HMCN1: variants seen among roughly 807,000 people sequenced by gnomAD.
The protein encoded by HMCN1 is hemicentin 1, also known as hemicentin-1.
HMCN1 carries 321 observed loss-of-function variants against 625.9 expected under a neutral mutation model. That is an observed-to-expected ratio of 0.51 (90% CI 0.47 to 0.56). The LOEUF is 0.56. HMCN1 is among the 20% of genes least tolerant of loss of function. HMCN1 has a pLI of 0.00. For missense variants in HMCN1, 6,588 were observed against 6,887.3 expected, an observed-to-expected ratio of 0.96 and a Z score of 1.54; for synonymous variants, 2,425 against 2,417.6, an observed-to-expected ratio of 1.00 and a Z score of -0.09.
chr1:186,188,468 C>T (rs1209413760), intron 106 of HMCN1, among the ~76,000 whole-genome samples: 1 of 152,138 alleles, frequency 6.6e-6, no homozygotes, highest in Admixed American at 6.5e-5. Flanking sequence ...CAGTTGTCTG[C>T]CCGTTCATAC....
intron 49 of HMCN1, among the ~76,000 whole-genome samples, chr1:186,066,571 C>T (rs1658130552): frequency 6.6e-6 from 1 of 152,172 alleles, no homozygotes; most frequent in Non-Finnish European, 1.5e-5. Context: ...CATATTTTAA[C>T]CATGCCCAGA....
intron 55 of HMCN1, 30 bp downstream of exon 55, chr1:186,078,250 C>A (rs1353640683): frequency 1.3e-6 from 2 of 1,482,168 alleles, no homozygotes; most frequent in South Asian, 1.1e-5. Context: ...ATTGTTCATT[C>A]TTTTACTGAA....
Position 186,082,897 on chromosome 1 carries a change from G to A in HMCN1, c.8820G>A (p.Arg2940=), listed in dbSNP as rs771078447. 3.1e-5 allele frequency: 49 copies of A among 1,594,004 alleles called. No individual in the cohort carries two copies. The highest frequency in any genetic ancestry group is 1.7e-4 in the Middle Eastern group (1 of 6,002). Residue 2940 remains arginine (R), a synonymous_variant, in exon 57 of 107, where the codon AGG becomes AGA. Transcript: ENST00000271588. ...ILNTQITDIG[R]YVCVAENTAG... is the part of the protein sequence containing the mutation. The stretch of plus-strand genomic sequence containing the variant: ...ATACTCAAATAACAGATATCGGCAG[G>A]TATGTGTGTGTTGCTGAGAACACAG...
chr1:185,868,416 C>A (rs1663407297), intron 4 of HMCN1, among the ~76,000 whole-genome samples: 1 of 152,054 alleles, frequency 6.6e-6, no homozygotes, highest in South Asian at 2.1e-4. Context: ...ATTGGAGGGA[C>A]CTAATCGGAG....
At chr1:186,080,233 T>C (rs1659082239) in intron 55 of HMCN1, among the ~76,000 whole-genome samples, 1 of 152,206 alleles carries the variant, frequency 6.6e-6, no homozygotes, top group Admixed American at 6.5e-5. Context: ...CATTGAGTAT[T>C]TTCTTTACAA....
chr1:185,815,525 T>C (rs1659791008), intron 1 of HMCN1, among the ~76,000 whole-genome samples: 1 of 150,058 alleles, frequency 6.7e-6, no homozygotes, highest in Non-Finnish European at 1.5e-5. Flanking sequence ...AGGATGCATT[T>C]ATATTGAATA....
At chr1:185,823,353 A>G (rs1433851154) in intron 1 of HMCN1, among the ~76,000 whole-genome samples, 1 of 152,194 alleles carries the variant, frequency 6.6e-6, no homozygotes, top group Non-Finnish European at 1.5e-5. Context: ...TTTCTGTAAT[A>G]TACAAGGCAA....
intron 4 of HMCN1, among the ~76,000 whole-genome samples, chr1:185,901,825 G>A (rs1322356): frequency 2.0e-5 from 3 of 151,694 alleles, no homozygotes; most frequent in Admixed American, 1.3e-4. Context: ...AAACCAGATC[G>A]TAGACTGTAC....
Position 186,165,181 on chromosome 1 carries a change from C to G in HMCN1, c.15319+8C>G. Reference sequence around the variant, plus strand: ...TTGGACCTTTTTGTGCTGGTAAGTACAGAGATAAATAAAGGGTTTTCTTTT... The same window carrying G: ...TTGGACCTTTTTGTGCTGGTAAGTAGAGAGATAAATAAAGGGTTTTCTTTT... On this transcript the variant is annotated splice_region_variant and intron_variant, in intron 98 of 106. Transcript: ENST00000271588. 1 of 1,610,998 alleles carries G rather than the reference C, an allele frequency of 6.2e-7. No homozygotes were observed. Among genetic ancestry groups the G allele is most frequent in the Non-Finnish European group, 8.5e-7 (1 of 1,177,270 alleles).
Position 186,078,053 on chromosome 1 carries a change from G to A in HMCN1, c.8486-54G>A. ...ACCTGAAAATTTGTATCTGTTTATGGCTTGTGTTCACTCTAAGATTAGAGG... is the reference window on the plus strand; with the variant it reads ...ACCTGAAAATTTGTATCTGTTTATGACTTGTGTTCACTCTAAGATTAGAGG... On this transcript the variant is annotated intron_variant, in intron 54 of 106. Coordinates refer to ENST00000271588, the MANE Select transcript of HMCN1 (RefSeq NM_031935.3). The A allele has an allele frequency of 3.0e-6, 4 of 1,315,320 alleles. No individual in the cohort carries two copies. In the South Asian group the frequency reaches 4.8e-5, roughly 16 times the overall value. The allele number at this position is 1,315,320 out of a possible 1,614,324, so 81.5% of individuals were successfully genotyped here. A position where few individuals can be genotyped will look rare whatever the true frequency, so the allele number is the denominator to read the frequency against.
chr1:185,987,335 C>T (rs1348657542), intron 19 of HMCN1, 97 bp from the exon 20 acceptor site: 1 of 803,830 alleles, frequency 1.2e-6, no homozygotes, highest in Non-Finnish European at 2.2e-6. Flanking sequence ...CTCATTTTTA[C>T]AAACATTGAT....
chr1:185,757,061 G>T (rs1248008184), intron 1 of HMCN1, among the ~76,000 whole-genome samples: 1 of 152,128 alleles, frequency 6.6e-6, no homozygotes, highest in East Asian at 1.9e-4. Flanking sequence ...TGCAACCTCC[G>T]CCTCCTGGGT....
chr1:185,762,983 A>G (rs1426050699), intron 1 of HMCN1, among the ~76,000 whole-genome samples: 2 of 152,152 alleles, frequency 1.3e-5, no homozygotes, highest in Non-Finnish European at 2.9e-5. Context: ...ACTCGCAGCT[A>G]TCATAACCCA....
intron 24 of HMCN1, 98 bp downstream of exon 24, chr1:185,995,185 C>A (rs1261421131): frequency 4.4e-6 from 5 of 1,124,672 alleles, no homozygotes; most frequent in Non-Finnish European, 5.4e-6. Context: ...TAAATGACTT[C>A]AGAAAGAGTT....
intron 1 of HMCN1, among the ~76,000 whole-genome samples, chr1:185,794,447 G>A (rs1658222655): frequency 6.7e-6 from 1 of 150,148 alleles, no homozygotes; most frequent in East Asian, 1.9e-4. Flanking sequence ...AAGCCAGTCT[G>A]AGTCCCAAAG....
intron 1 of HMCN1, among the ~76,000 whole-genome samples, chr1:185,774,574 G>T (rs1213864798): frequency 1.3e-5 from 2 of 152,162 alleles, no homozygotes; most frequent in Non-Finnish European, 2.9e-5. Flanking sequence ...TAAATGAATT[G>T]CTGAGCTGTT....
intron 48 of HMCN1, among the ~76,000 whole-genome samples, chr1:186,063,281 A>G (rs1185890444): frequency 6.6e-6 from 1 of 151,438 alleles, no homozygotes; most frequent in Non-Finnish European, 1.5e-5. Flanking sequence ...AAGTTCAGCT[A>G]CTATAATTGG....
At chr1:185,896,212 A>G (rs1665483221) in intron 4 of HMCN1, among the ~76,000 whole-genome samples, 1 of 152,178 alleles carries the variant, frequency 6.6e-6, no homozygotes, top group South Asian at 2.1e-4. Context: ...CTGGGATTAT[A>G]GGCATGAGCC....
At position 186,087,582 on chromosome 1, in the gene HMCN1, AAC is replaced by A; in HGVS notation, c.9302_9303del (p.Thr3101ArgfsTer10). ...CTTGGTATAAGAATGGGCGGATGAT[AAC>A]AGAGTCTACTCATGTGGAGATTTTA... ...ITWYKNGRMI[T>X]ESTHVEILAD... On this transcript the variant is annotated frameshift_variant, in exon 60 of 107. Transcript: ENST00000271588. LOFTEE classifies it high-confidence loss of function. 1 of 1,613,336 alleles carries A rather than the reference AAC, an allele frequency of 6.2e-7. No individual in the cohort carries two copies. The highest frequency in any genetic ancestry group is 8.5e-7 in the Non-Finnish European group (1 of 1,179,482).
Sources: allele counts gnomAD v4.1 joint callset (sites outside exome capture counted in the v4.1 genomes callset), GRCh38; gene constraint gnomAD v4.1.1; transcripts MANE v1.5; gene names NCBI Gene and HGNC (gene_info 2026-07-23, HGNC 2026-07-21).